PDZD2: variants seen among roughly 807,000 people sequenced by gnomAD.
The protein encoded by PDZD2 is PDZ domain containing 2.
Under a neutral mutation model 220.7 loss-of-function variants are expected in PDZD2, and 90 were observed. The ratio of observed to expected loss-of-function variants is 0.41; its 90% CI spans 0.34 to 0.49. The LOEUF (loss-of-function observed/expected upper bound fraction) is 0.49, where lower values mean the gene tolerates loss of function less well. PDZD2 is among the 20% of genes least tolerant of loss of function. PDZD2 has a pLI of 0.28. For synonymous variants in PDZD2, 1,375 were observed against 1,450.5 expected (o/e 0.95, Z 1.18); for missense variants, 3,174 against 3,608.5 (o/e 0.88, Z 3.08).
intron 19 of PDZD2, among the ~76,000 whole-genome samples, chr5:32,085,869 A>G (rs1429712654): frequency 7.3e-6 from 1 of 136,574 alleles, no homozygotes; most frequent in East Asian, 2.1e-4. Flanking sequence ...TTTTTTTTCT[A>G]TTTCTGTAAA....
chr5:31,825,300 G>A (rs981734168), intron 2 of PDZD2, among the ~76,000 whole-genome samples: 2 of 152,198 alleles, frequency 1.3e-5, no homozygotes, highest in African/African-American at 4.8e-5. Context: ...GACGTCAAGA[G>A]GAAGCTGGTT....
intron 2 of PDZD2, chr5:31,936,317 G>A: frequency 1.0e-6 from 1 of 987,598 alleles, no homozygotes; most frequent in Non-Finnish European, 1.2e-6. Context: ...GCACAGCAGA[G>A]CACGCTCACC....
intron 1 of PDZD2, among the ~76,000 whole-genome samples, chr5:31,695,686 C>A (rs946516652): frequency 2.0e-5 from 3 of 152,186 alleles, no homozygotes; most frequent in Admixed American, 1.3e-4. Flanking sequence ...TACAGGGCGT[C>A]CTTCCGCTGC....
intron 2 of PDZD2, among the ~76,000 whole-genome samples, chr5:31,970,492 C>T (rs957938906): frequency 6.6e-5 from 10 of 151,862 alleles, no homozygotes; most frequent in African/African-American, 2.2e-4. Context: ...CTTGTCTCTA[C>T]TAAAAATACA....
chr5:31,737,839 T>A (rs1750002099), intron 1 of PDZD2, among the ~76,000 whole-genome samples: 1 of 152,224 alleles, frequency 6.6e-6, no homozygotes, highest in South Asian at 2.1e-4. Flanking sequence ...GGGCTCTTTA[T>A]AGAGCAGGTG....
chr5:31,902,083 T>C (rs1742156851), intron 2 of PDZD2, among the ~76,000 whole-genome samples: 1 of 152,258 alleles, frequency 6.6e-6, no homozygotes, highest in Non-Finnish European at 1.5e-5. Context: ...AATGTTTTCG[T>C]TTCTCATGGG....
At chr5:31,989,643 C>G (rs770510906) in intron 3 of PDZD2, among the ~76,000 whole-genome samples, 26 of 152,038 alleles carry the variant, frequency 1.7e-4, no homozygotes, top group Non-Finnish European at 3.5e-4. Context: ...AGGCTGGCCT[C>G]GAGCTCCTGA....
At chr5:31,789,500 G>A (rs1753575532) in intron 1 of PDZD2, among the ~76,000 whole-genome samples, 1 of 152,230 alleles carries the variant, frequency 6.6e-6, no homozygotes, top group Non-Finnish European at 1.5e-5. Context: ...CCTCATCCAG[G>A]TAGCATTTCC....
At chr5:31,665,004 A>T (rs571585640) in intron 1 of PDZD2, 1 of 152,240 alleles carries the variant, frequency 6.6e-6, no homozygotes, top group East Asian at 1.9e-4. Context: ...GAGCTGGAAA[A>T]GGTAGCCCGC....
Position 32,089,917 on chromosome 5 carries a change from G to A in PDZD2, c.6469G>A (p.Glu2157Lys). The A allele has an allele frequency of 1.2e-6, 2 of 1,612,146 alleles. No individual in the cohort carries two copies. The highest frequency in any genetic ancestry group is 1.7e-6 in the Non-Finnish European group (2 of 1,178,976). ...LPSHASQAEQ[E>K]MSRSFSMAKL... ...ATCTCATGCCTCCCAGGCAGAGCAG[G>A]AAATGTCACGATCATTCAGCATGGC... Residue 2157 changes from glutamate (E) to lysine (K), a missense_variant, in exon 20 of 25, where the codon GAA becomes AAA. This residue lies in a region of PDZD2 where 1,861 missense variants were observed against 2,001.0 expected (regional missense o/e 0.93). Transcript: ENST00000438447.
At chr5:31,778,007 CTG>C (rs879410515) in intron 1 of PDZD2, among the ~76,000 whole-genome samples, 3 of 151,960 alleles carry the variant, frequency 2.0e-5, no homozygotes, top group African/African-American at 7.3e-5. Flanking sequence ...AGTGAGCACT[CTG>C]TGTCTAGCTC....
At chr5:32,062,216 C>T (rs893718635) in intron 14 of PDZD2, among the ~76,000 whole-genome samples, 1 of 152,162 alleles carries the variant, frequency 6.6e-6, no homozygotes, top group Non-Finnish European at 1.5e-5. Context: ...TGAAATCTGG[C>T]TTTGCAGACC....
At position 31,645,663 on chromosome 5, in the gene PDZD2, C is replaced by G. The variant is rs72753564; in HGVS notation, c.-361+6226C>G. 5.4e-3 allele frequency among the ~76,000 whole-genome samples: 825 copies of G among 152,234 alleles called. 6 individuals carry two copies. The highest frequency in any genetic ancestry group is 0.02 in the Middle Eastern group (6 of 294). ...CTCATTTTTACCAACACTTGGACACCTCTAGTACTTGGCTTTACAAGCCCT... is the reference window on the plus strand; with the variant it reads ...CTCATTTTTACCAACACTTGGACACGTCTAGTACTTGGCTTTACAAGCCCT... On this transcript the variant is annotated intron_variant, in intron 1 of 24. Coordinates refer to ENST00000438447, the MANE Select transcript of PDZD2 (RefSeq NM_178140.4).
chr5:31,730,582 GT>G lies in PDZD2; in HGVS notation c.-360-68306del, dbSNP rs1361149481. The stretch of plus-strand genomic sequence containing the variant: ...TGTGTGTGTGTGTGTGTGTGTGTGT[GT>G]GTGTGTGTGGTGTGTGTGTGTGTGT... On this transcript the variant is annotated intron_variant, in intron 1 of 24. Transcript: ENST00000438447. Among the ~76,000 whole-genome samples the G allele has an allele frequency of 6.5e-3, 751 of 116,170 alleles. 5 individuals carry two copies. Among genetic ancestry groups the G allele is most frequent in the Middle Eastern group, 0.027 (6 of 226 alleles). 76.2% of individuals were successfully genotyped at this position (116,170 alleles called of 152,430 possible). A position where few individuals can be genotyped will look rare whatever the true frequency, so the allele number is the denominator to read the frequency against.
At chr5:31,939,082 A>G (rs1478079323) in intron 2 of PDZD2, among the ~76,000 whole-genome samples, 1 of 152,140 alleles carries the variant, frequency 6.6e-6, no homozygotes, top group African/African-American at 2.4e-5. Flanking sequence ...TGACAAAACA[A>G]GTGAGGAAGG....
chr5:31,804,010 T>C (rs1437011380), intron 2 of PDZD2, among the ~76,000 whole-genome samples: 1 of 150,148 alleles, frequency 6.7e-6, no homozygotes, highest in Non-Finnish European at 1.5e-5. Context: ...ACCACTGTAC[T>C]CTAGCCTGGG....
At chr5:31,666,852 A>T (rs530052382) in intron 1 of PDZD2, among the ~76,000 whole-genome samples, 1 of 152,014 alleles carries the variant, frequency 6.6e-6, no homozygotes, top group African/African-American at 2.4e-5. Flanking sequence ...GAACCCTCAG[A>T]CTCTCAGCCT....
intron 14 of PDZD2, among the ~76,000 whole-genome samples, chr5:32,068,266 G>A (rs1057421489): frequency 2.0e-5 from 3 of 152,112 alleles, no homozygotes; most frequent in African/African-American, 4.8e-5. Context: ...AGGAAGATTC[G>A]GGAGCTGTTT....
chr5:31,861,697 T>C (rs1031787206), intron 2 of PDZD2, among the ~76,000 whole-genome samples: 17 of 152,138 alleles, frequency 1.1e-4, no homozygotes, highest in African/African-American at 4.1e-4. Context: ...TAGTTTTCAC[T>C]CCCTCCTAGG....
Sources: gnomAD v4.1 joint callset for allele counts (sites outside exome capture counted in the v4.1 genomes callset) on GRCh38, gnomAD v4.1.1 for gene constraint, gnomAD v4.1.1 regional missense constraint, MANE v1.5 for transcripts, NCBI Gene and HGNC (gene_info 2026-07-23, HGNC 2026-07-21) for gene names.